Variants in FAT3 observed in about 807,000 individuals in gnomAD.
FAT3 encodes the protein FAT atypical cadherin 3.
In FAT3, 95 loss-of-function variants were observed where a neutral mutation model predicts 310.2. The observed-to-expected ratio is 0.31, with a 90% CI of 0.26 to 0.36. The LOEUF (loss-of-function observed/expected upper bound fraction) is 0.36. Ranked by LOEUF, FAT3 falls within the 10% of genes least tolerant of loss-of-function variation. FAT3 has a pLI of 1.00. For missense variants in FAT3, 5,408 were observed against 5,715.6 expected (o/e 0.95, Z 1.74); for synonymous variants, 2,314 against 2,192.9 (o/e 1.06, Z -1.54).
chr11:92,710,907 A>G (rs887830030), intron 4 of FAT3, among the ~76,000 whole-genome samples: 1 of 152,226 alleles, frequency 6.6e-6, no homozygotes, highest in Admixed American at 6.5e-5. Flanking sequence ...AGCCTATTCC[A>G]AAACTCCTCT....
chr11:92,851,027 T>C (rs1402807802), intron 19 of FAT3, among the ~76,000 whole-genome samples: 1 of 152,076 alleles, frequency 6.6e-6, no homozygotes, highest in Admixed American at 6.5e-5. Context: ...TTTCTCCTGG[T>C]GGACAAGGTG....
chr11:92,365,107 TAA>T (rs1302675258), intron 2 of FAT3, among the ~76,000 whole-genome samples: 3 of 151,860 alleles, frequency 2.0e-5, no homozygotes, highest in Non-Finnish European at 2.9e-5. Flanking sequence ...CAACAAAATA[TAA>T]AAATAAAAAA....
intron 3 of FAT3, among the ~76,000 whole-genome samples, chr11:92,594,240 C>T (rs527738116): frequency 7.2e-5 from 11 of 152,238 alleles, no homozygotes; most frequent in South Asian, 6.2e-4. Context: ...GTCAGGAGTT[C>T]GAGAGCAGCC....
chr11:92,420,834 A>G (rs1306590201), intron 2 of FAT3, among the ~76,000 whole-genome samples: 1 of 152,184 alleles, frequency 6.6e-6, no homozygotes, highest in East Asian at 1.9e-4. Context: ...TCAAATTGCT[A>G]AGAAACAGTA....
intron 2 of FAT3, among the ~76,000 whole-genome samples, chr11:92,522,926 T>C (rs1235085572): frequency 6.6e-6 from 1 of 152,208 alleles, no homozygotes; most frequent in Non-Finnish European, 1.5e-5. Context: ...TTGTGTGCTA[T>C]GGGCCCTATG....
intron 1 of FAT3, among the ~76,000 whole-genome samples, chr11:92,307,562 C>A (rs1003020077): frequency 6.6e-6 from 1 of 152,148 alleles, no homozygotes; most frequent in Admixed American, 6.5e-5. Flanking sequence ...TAAACAGCAT[C>A]TAATACTTGG....
chr11:92,336,950 G>A (rs1948101609), intron 1 of FAT3, among the ~76,000 whole-genome samples: 1 of 152,040 alleles, frequency 6.6e-6, no homozygotes, highest in South Asian at 2.1e-4. Context: ...CTGGGGCTTG[G>A]ACCCTCATTT....
chr11:92,746,106 A>C (rs1945658491), intron 4 of FAT3, among the ~76,000 whole-genome samples: 1 of 152,264 alleles, frequency 6.6e-6, no homozygotes, highest in East Asian at 1.9e-4. Context: ...TCTTTCCTAA[A>C]AGCACAACTT....
intron 1 of FAT3, among the ~76,000 whole-genome samples, chr11:92,226,733 T>G (rs1051697472): frequency 3.3e-5 from 5 of 151,912 alleles, no homozygotes; most frequent in Admixed American, 1.3e-4. Context: ...GCACGCGGAA[T>G]CTGGTGGACT....
intron 3 of FAT3, among the ~76,000 whole-genome samples, chr11:92,573,522 G>C (rs1178393100): frequency 4.6e-5 from 7 of 152,026 alleles, no homozygotes. Flanking sequence ...TTGGAATTAG[G>C]GTCTTTGCAG....
At chr11:92,365,943 G>A (rs956433925) in intron 2 of FAT3, among the ~76,000 whole-genome samples, 7 of 152,322 alleles carry the variant, frequency 4.6e-5, no homozygotes, top group African/African-American at 1.7e-4. Context: ...TTCTATAAAA[G>A]TAAATGTAAC....
chr11:92,830,032 G>C (rs901118753), intron 13 of FAT3, among the ~76,000 whole-genome samples: 1 of 152,088 alleles, frequency 6.6e-6, no homozygotes, highest in African/African-American at 2.4e-5. Context: ...CCCTCTAAGA[G>C]CTTATATTCT....
chr11:92,251,861 C>T (rs561489677), intron 1 of FAT3, among the ~76,000 whole-genome samples: 1 of 152,200 alleles, frequency 6.6e-6, no homozygotes, highest in East Asian at 1.9e-4. Context: ...ATCTTATTTA[C>T]TTTTATCCAT....
intron 1 of FAT3, among the ~76,000 whole-genome samples, chr11:92,330,508 A>T (rs1355247135): frequency 6.6e-6 from 1 of 152,204 alleles, no homozygotes; most frequent in Admixed American, 6.5e-5. Context: ...TGATTTTATA[A>T]ATAGCTCTGT....
In FAT3 at chr11:92,896,325, G is replaced by GAAAAA. The variant is rs140558753; in HGVS notation, c.*5218_*5222dup. On this transcript the variant is annotated 3_prime_UTR_variant, in exon 28 of 28. Transcript: ENST00000525166. ...TTTTCTAAAAAAAAAGAAAAGAAAA[G>GAAAAA]AAAAAAAAAACAAAAGCAAACAAAA... 4.4e-5 allele frequency: 3 copies of GAAAAA among 67,640 alleles called. No individual in the cohort carries two copies. Among genetic ancestry groups the GAAAAA allele is most frequent in the South Asian group, 4.9e-4 (1 of 2,054 alleles). 4.2% of individuals were successfully genotyped at this position (67,640 alleles called of 1,614,324 possible).
intron 2 of FAT3, among the ~76,000 whole-genome samples, chr11:92,506,967 G>C (rs1311148989): frequency 6.6e-6 from 1 of 152,174 alleles, no homozygotes; most frequent in Non-Finnish European, 1.5e-5. Context: ...CCTTCTCACT[G>C]TGAGTCAACA....
At chr11:92,602,613 T>C (rs1489355806) in intron 3 of FAT3, among the ~76,000 whole-genome samples, 2 of 152,182 alleles carry the variant, frequency 1.3e-5, no homozygotes, top group African/African-American at 4.8e-5. Context: ...AAAGAATCTT[T>C]AGGGATACAA....
intron 4 of FAT3, among the ~76,000 whole-genome samples, chr11:92,730,614 T>C (rs1945145943): frequency 1.3e-5 from 2 of 152,208 alleles, no homozygotes; most frequent in Non-Finnish European, 1.5e-5. Context: ...TTATAAAATG[T>C]ATGTTTGCCT....
intron 5 of FAT3, among the ~76,000 whole-genome samples, chr11:92,764,052 G>T (rs1293382953): frequency 2.6e-5 from 4 of 151,736 alleles, no homozygotes; most frequent in Admixed American, 2.6e-4. Context: ...TTTTTGTTTT[G>T]CTTTGGCTTT....
Sources: gnomAD v4.1 joint callset for allele counts (sites outside exome capture counted in the v4.1 genomes callset) on GRCh38, gnomAD v4.1.1 for gene constraint, MANE v1.5 for transcripts, NCBI Gene and HGNC (gene_info 2026-07-23, HGNC 2026-07-21) for gene names.